The following GKN2 variants were observed in gnomAD, a reference collection of about 807,000 sequenced individuals.
GKN2 encodes gastrokine 2.
Under a neutral mutation model 22.7 loss-of-function variants are expected in GKN2, and 17 were observed. That is an observed-to-expected ratio of 0.75 (90% CI 0.51 to 1.13). GKN2 has a LOEUF of 1.13. Among genes scored for constraint, GKN2 ranks in the 50% most tolerant of loss-of-function variants. GKN2 has a pLI of 0.00. For synonymous variants in GKN2, 82 were observed against 79.6 expected (o/e 1.03, Z -0.16); for missense variants, 248 against 221.4 (o/e 1.12, Z -0.76).
At chr2:68,947,009 T>G in intron 4 of GKN2, 138 bp downstream of exon 4, 1 of 588,698 alleles carries the variant, frequency 1.7e-6, no homozygotes, top group Non-Finnish European at 3.0e-6. Context: ...AACACTTTAA[T>G]AACTTTAATA....
At chr2:68,950,382 C>T in intron 2 of GKN2, 119 bp from the exon 3 acceptor site, 2 of 945,144 alleles carry the variant, frequency 2.1e-6, no homozygotes, top group Non-Finnish European at 3.1e-6. Context: ...CTAAAACTGT[C>T]CACTGGGGTC....
At chr2:68,950,849 A>G (rs1669844715) in intron 1 of GKN2, 94 bp from the exon 2 acceptor site, 1 of 1,242,408 alleles carries the variant, frequency 8.0e-7, no homozygotes, top group African/African-American at 1.5e-5. Flanking sequence ...CAGATATCTC[A>G]GAAAATGTAC....
In GKN2 at chr2:68,946,442, A is replaced by T. The variant is rs1224885329; in HGVS notation, c.334T>A (p.Ser112Thr). 6.2e-7 allele frequency: 1 copy of T among 1,609,708 alleles called. No homozygotes were observed. The highest frequency in any genetic ancestry group is 2.2e-5 in the East Asian group (1 of 44,796). ...TACTTGACCCAGGTGTATTTGCTGG[A>T]GAACATGTTGTCCAGAGCCTAGATC... ...YEKQALDNMF[S>T]SKYTWVKYNP... The change falls in exon 5 of 6, where the codon TCC becomes ACC. Residue 112 changes from serine to threonine, a missense_variant. Physicochemically the swap from Ser to Thr is moderately conservative, Grantham distance 58. Coordinates refer to ENST00000328895, the MANE Select transcript of GKN2 (RefSeq NM_182536.3).
Position 68,946,330 on chromosome 2 carries a change from T to A in GKN2, c.446A>T (p.Tyr149Phe). Reference protein sequence around the residue: ...IEKLCKHIPLYKGEVVENTHN... With the variant: ...IEKLCKHIPLFKGEVVENTHN... Reference sequence around the variant, plus strand: ...TGTGTTTTCAACCACTTCCCCCTTATACAAAGGGATATGTTTGCAGAGTTT... The same window carrying A: ...TGTGTTTTCAACCACTTCCCCCTTAAACAAAGGGATATGTTTGCAGAGTTT... The change falls in exon 5 of 6, where the codon TAT (tyrosine) becomes TTT (phenylalanine). Residue 149 changes from tyrosine (Y) to phenylalanine (F), a missense_variant. Tyr to Phe is a conservative substitution (Grantham distance 22, BLOSUM62 3). Coordinates refer to ENST00000328895, the MANE Select transcript of GKN2 (RefSeq NM_182536.3). 3.1e-6 allele frequency: 5 copies of A among 1,611,944 alleles called. No individual in the cohort carries two copies. The highest frequency in any genetic ancestry group is 1.7e-4 in the Middle Eastern group (1 of 6,058).
In GKN2 at chr2:68,946,334, A is replaced by G. The variant is rs143791081; in HGVS notation, c.442T>C (p.Leu148=). The G allele has an allele frequency of 4.6e-4, 746 of 1,612,064 alleles. 7 individuals carry two copies. In the African/African-American group the frequency reaches 8.4e-3, roughly 18 times the overall value. The change falls in exon 5 of 6, where the codon TTG becomes CTG. Residue 148 remains leucine, a synonymous_variant. Coordinates refer to ENST00000328895, the MANE Select transcript of GKN2 (RefSeq NM_182536.3). ...PIEKLCKHIP[L]YKGEVVENTH... ...TTTTCAACCACTTCCCCCTTATACA[A>G]AGGGATATGTTTGCAGAGTTTCTCA...
At position 68,948,240 on chromosome 2, in the gene GKN2, C is replaced by T. The variant is rs200583183; in HGVS notation, c.205-983G>A. Among the ~76,000 whole-genome samples, 24 of 70,730 alleles carry T rather than the reference C, an allele frequency of 3.4e-4. 1 individual carries two copies. In the East Asian group the frequency reaches 5.8e-3, roughly 17 times the overall value. The allele number at this position is 70,730 out of a possible 152,430, so 46.4% of individuals were successfully genotyped here. ...CAGCCTGGGTGACAGAGCGAGACTC[C>T]GTCAAAAAAAAAAAACAAAAAAAAA... On this transcript the variant is annotated intron_variant, in intron 3 of 5. Transcript: ENST00000328895.
At position 68,946,304 on chromosome 2, in the gene GKN2, G is replaced by C. The variant is rs376553509; in HGVS notation, c.472C>G (p.His158Asp). Residue 158 changes from histidine to aspartate, a missense_variant and splice_region_variant, in exon 5 of 6, where the codon CAT (histidine) becomes GAT (aspartate). Transcript: ENST00000328895. ...GAGTGAATGACTTATTGGTACTCAC[G>C]TGTGTTTTCAACCACTTCCCCCTTA... ...LYKGEVVENTHNVGAGGCAKA... is the reference protein window; with the variant it reads ...LYKGEVVENTDNVGAGGCAKA... 14 of 1,605,338 alleles carry C rather than the reference G, an allele frequency of 8.7e-6. No individual in the cohort carries two copies. Among genetic ancestry groups the C allele is most frequent in the Admixed American group, 1.7e-5 (1 of 57,866 alleles).
intron 5 of GKN2, chr2:68,945,674 TA>T (rs1669755130): frequency 5.0e-6 from 2 of 401,664 alleles, no homozygotes. Context: ...AGATATATAA[TA>T]AACATAAACT....
chr2:68,951,242 A>C (rs1191243295), intron 1 of GKN2, among the ~76,000 whole-genome samples: 2 of 152,180 alleles, frequency 1.3e-5, no homozygotes, highest in Non-Finnish European at 2.9e-5. Context: ...GGTGATAAAG[A>C]CCTGACAGGT....
At position 68,945,245 on chromosome 2, in the gene GKN2, C is replaced by A; in HGVS notation, c.*123G>T. The A allele has an allele frequency of 1.4e-6, 1 of 698,044 alleles. No homozygotes were observed. 43.2% of individuals were successfully genotyped at this position (698,044 alleles called of 1,614,324 possible). On this transcript the variant is annotated 3_prime_UTR_variant, in exon 6 of 6. Coordinates refer to ENST00000328895, the MANE Select transcript of GKN2 (RefSeq NM_182536.3). ...AACACCAAAAAATCTATAAATACAG[C>A]ATTTATATTTTCTGACTGAATCTCA... is the stretch of plus-strand genomic sequence containing the variant.
In GKN2 at chr2:68,950,740, C is replaced by T. The variant is rs1479041800; in HGVS notation, c.28G>A (p.Val10Met). The part of the protein sequence containing the change: MKILVAFLV[V>M]LTIFGIQSHG... ...GATTGTATCCCAAAGATGGTCAGCA[C>T]CACCAGAAATGCCACCTGAAAAACA... Residue 10 changes from valine (V) to methionine (M), a missense_variant, in exon 2 of 6, where the codon GTG (valine) becomes ATG (methionine). Transcript: ENST00000328895. 4 of 1,614,100 alleles carry T rather than the reference C, an allele frequency of 2.5e-6. No individual in the cohort carries two copies. The highest frequency in any genetic ancestry group is 3.4e-6 in the Non-Finnish European group (4 of 1,179,994).
chr2:68,947,271 A>C lies in GKN2; in HGVS notation c.205-14T>G. The C allele has an allele frequency of 6.5e-7, 1 of 1,544,426 alleles. No individual in the cohort carries two copies. Among genetic ancestry groups the C allele is most frequent in the Non-Finnish European group, 9.0e-7 (1 of 1,116,346 alleles). Reference sequence around the variant, plus strand: ...TGCAATGTAGCCCTGAGGCAGCAAGAGTACAGTTACTGTTCCTCCCTAGTT... The same window carrying C: ...TGCAATGTAGCCCTGAGGCAGCAAGCGTACAGTTACTGTTCCTCCCTAGTT... On this transcript the variant is annotated splice_polypyrimidine_tract_variant and intron_variant, in intron 3 of 5. Coordinates refer to ENST00000328895, the MANE Select transcript of GKN2 (RefSeq NM_182536.3).
At position 68,951,438 on chromosome 2, in the gene GKN2, C is replaced by T. The variant is rs533044307; in HGVS notation, c.13-683G>A. On this transcript the variant is annotated intron_variant, in intron 1 of 5. Coordinates refer to ENST00000328895, the MANE Select transcript of GKN2 (RefSeq NM_182536.3). ...GCTGTAGTTCTGTAAGAGTCTGTTC[C>T]AACATGCTAACCCAGGTTTTGTACC... Among the ~76,000 whole-genome samples, 71 of 152,320 alleles carry T rather than the reference C, an allele frequency of 4.7e-4. 1 individual carries two copies. The South Asian group carries it at 0.014, about 30-fold the overall frequency.
At position 68,950,801 on chromosome 2, in the gene GKN2, G is replaced by A. The variant is rs1669843862; in HGVS notation, c.13-46C>T. On this transcript the variant is annotated intron_variant, in intron 1 of 5. Coordinates refer to ENST00000328895, the MANE Select transcript of GKN2 (RefSeq NM_182536.3). ...ATCCATTCTTTATAGGGTAGTCATT[G>A]AGTGTGGGACAGGAGGAAACACTGG... The A allele has an allele frequency of 2.5e-6, 4 of 1,589,692 alleles. No individual in the cohort carries two copies. The East Asian group carries it at 8.9e-5, about 36-fold the overall frequency.
Position 68,947,024 on chromosome 2 carries a change from G to A in GKN2, c.315+123C>T, listed in dbSNP as rs540609943. ...AACACTTTAATAACTTTAATAAGTT[G>A]AGTATCACATTTATGGTAAGGCATG... On this transcript the variant is annotated intron_variant, in intron 4 of 5. Coordinates refer to ENST00000328895, the MANE Select transcript of GKN2 (RefSeq NM_182536.3). 1.8e-4 allele frequency: 113 copies of A among 628,208 alleles called. 2 individuals are homozygous for A. In the South Asian group the frequency reaches 2.4e-3, roughly 13 times the overall value. The allele number at this position is 628,208 out of a possible 1,614,324, so 38.9% of individuals were successfully genotyped here.
At chr2:68,946,482 G>T (rs1170062531) in intron 4 of GKN2, 22 bp from the exon 5 acceptor site, 2 of 1,543,174 alleles carry the variant, frequency 1.3e-6, no homozygotes, top group East Asian at 2.3e-5. Flanking sequence ...TAACAGAAAA[G>T]AACAACATAA....
intron 3 of GKN2, 39 bp from the exon 4 acceptor site, chr2:68,947,296 TC>T: frequency 7.7e-7 from 1 of 1,303,828 alleles, no homozygotes; most frequent in South Asian, 1.2e-5. Flanking sequence ...CCTCCCTAGT[TC>T]CCTGAATCTG....
intron 3 of GKN2, among the ~76,000 whole-genome samples, chr2:68,949,873 A>G (rs1421022767): frequency 6.6e-6 from 1 of 152,186 alleles, no homozygotes; most frequent in African/African-American, 2.4e-5. Context: ...GGATAATAGC[A>G]TTACTCTTCC....
chr2:68,950,343 G>A, intron 2 of GKN2, 80 bp from the exon 3 acceptor site: 2 of 1,382,078 alleles, frequency 1.4e-6, no homozygotes, highest in South Asian at 2.8e-5. Flanking sequence ...AAATAAAGCA[G>A]CTGCCTGCTA....
Sources: gnomAD v4.1 joint callset for allele counts (sites outside exome capture counted in the v4.1 genomes callset) on GRCh38, gnomAD v4.1.1 for gene constraint, MANE v1.5 for transcripts, NCBI Gene and HGNC (gene_info 2026-07-23, HGNC 2026-07-21) for gene names.